Variants in LRRC66 observed in about 807,000 individuals in gnomAD.
LRRC66 encodes leucine-rich repeat-containing protein 66.
LRRC66 carries 29 observed loss-of-function variants against 24.6 expected under a neutral mutation model. The observed-to-expected ratio is 1.18, with a 90% CI of 0.88 to 1.61. The LOEUF is 1.61. LRRC66 is among the 40% of genes most tolerant of loss of function. The pLI is 0.00. For missense variants in LRRC66, 1,124 were observed against 1,058.0 expected (o/e 1.06, Z -0.87); for synonymous variants, 411 against 397.6 (o/e 1.03, Z -0.40).
At chr4:52,008,492 A>T (rs1736631930) in intron 2 of LRRC66, among the ~76,000 whole-genome samples, 1 of 152,018 alleles carries the variant, frequency 6.6e-6, no homozygotes, top group Non-Finnish European at 1.5e-5. Context: ...ATTATAAAGG[A>T]AAATATTAAT....
chr4:51,994,295 G>C lies in LRRC66; in HGVS notation c.*84C>G. On this transcript the variant is annotated 3_prime_UTR_variant, in exon 5 of 5. Transcript: ENST00000682860. Reference sequence around the variant, plus strand: ...TTCATGTTGTCTCCTTCAGGATCTTGTTGTGAAGGCTTTAGTTTTCCCCTG... The same window carrying C: ...TTCATGTTGTCTCCTTCAGGATCTTCTTGTGAAGGCTTTAGTTTTCCCCTG... 7.8e-7 allele frequency: 1 copy of C among 1,277,930 alleles called. No individual in the cohort carries two copies. The highest frequency in any genetic ancestry group is 1.5e-5 in the South Asian group (1 of 65,058). 79.2% of individuals were successfully genotyped at this position (1,277,930 alleles called of 1,614,324 possible).
At chr4:52,004,033 C>T (rs1343687406) in intron 2 of LRRC66, among the ~76,000 whole-genome samples, 2 of 152,092 alleles carry the variant, frequency 1.3e-5, no homozygotes, top group South Asian at 2.1e-4. Flanking sequence ...GACAGAGTCT[C>T]GCTCTGTCAC....
At position 52,017,408 on chromosome 4, in the gene LRRC66, A is replaced by C. The variant is rs1318071452; in HGVS notation, c.206T>G (p.Phe69Cys). The C allele has an allele frequency of 2.2e-5, 35 of 1,614,068 alleles. No homozygotes were observed. Among genetic ancestry groups the C allele is most frequent in the Non-Finnish European group, 3.0e-5 (35 of 1,180,034 alleles). The change falls in exon 2 of 5, where the codon TTC becomes TGC. Residue 69 changes from phenylalanine (F) to cysteine (C), a missense_variant. Phe to Cys is a radical substitution (Grantham distance 205). Coordinates refer to ENST00000682860, the MANE Select transcript of LRRC66 (RefSeq NM_001024611.3). ...CTGTAAGAGAACTCTAAAGAAATTGAAACTTACATCCACAGTGGCTGCTGT... is the reference window on the plus strand; with the variant it reads ...CTGTAAGAGAACTCTAAAGAAATTGCAACTTACATCCACAGTGGCTGCTGT... ...SQTAATVDVS[F>C]NFFRVLLQSH...
intron 3 of LRRC66, among the ~76,000 whole-genome samples, chr4:52,001,426 CAG>C (rs895353010): frequency 6.6e-6 from 1 of 152,098 alleles, no homozygotes; most frequent in Non-Finnish European, 1.5e-5. Flanking sequence ...GAGAGGCAGA[CAG>C]GGGTCAGGTC....
rs772911384 is a variant in LRRC66, at chr4:51,994,790, C to T, written c.2232G>A (p.Lys744=). The T allele has an allele frequency of 4.3e-6, 7 of 1,614,082 alleles. No individual in the cohort carries two copies. Among genetic ancestry groups the T allele is most frequent in the African/African-American group, 1.3e-5 (1 of 74,928 alleles). ...SLQDESSGAS[K]DNVTAVDSLE... ...GACTGTCTACAGCCGTCACATTGTCCTTGCTTGCCCCTGAGCTCTCGTCCT... is the reference window on the plus strand; with the variant it reads ...GACTGTCTACAGCCGTCACATTGTCTTTGCTTGCCCCTGAGCTCTCGTCCT... Residue 744 remains lysine, a synonymous_variant, in exon 5 of 5, where the codon AAG becomes AAA. Transcript: ENST00000682860.
intron 3 of LRRC66, among the ~76,000 whole-genome samples, chr4:52,000,044 A>G (rs1281671131): frequency 6.6e-6 from 1 of 152,218 alleles, no homozygotes; most frequent in Non-Finnish European, 1.5e-5. Context: ...TGCCCAGAAG[A>G]AAACAACATC....
intron 2 of LRRC66, among the ~76,000 whole-genome samples, chr4:52,004,717 G>A (rs1736535223): frequency 6.6e-6 from 1 of 152,178 alleles, no homozygotes; most frequent in African/African-American, 2.4e-5. Context: ...TGTCTGCAAG[G>A]TACTTATTGT....
In LRRC66 at chr4:51,994,374, G is replaced by T. The variant is rs750507814; in HGVS notation, c.*5C>A. 23 of 1,597,028 alleles carry T rather than the reference G, an allele frequency of 1.4e-5. No homozygotes were observed. The highest frequency in any genetic ancestry group is 8.5e-7 in the Non-Finnish European group (1 of 1,171,734). On this transcript the variant is annotated 3_prime_UTR_variant, in exon 5 of 5. Coordinates refer to ENST00000682860, the MANE Select transcript of LRRC66 (RefSeq NM_001024611.3). ...AGCTGTGAATATTTCCTTAATGAAA[G>T]ATTCTTATTTTAAAATGTCTGAGTC...
rs1037489866 is a variant in LRRC66 at position 51,993,788 on chromosome 4, G to A, written c.*591C>T. 3.3e-5 allele frequency: 5 copies of A among 152,218 alleles called. No homozygotes were observed. Among genetic ancestry groups the A allele is most frequent in the African/African-American group, 9.6e-5 (4 of 41,460 alleles). 9.4% of individuals were successfully genotyped at this position (152,218 alleles called of 1,614,324 possible). A position where few individuals can be genotyped will look rare whatever the true frequency, so the allele number is the denominator to read the frequency against. Reference sequence around the variant, plus strand: ...GATCAGCCTCCAAAAAGTTGTGCTAGTGTGTGTTCAGAATTCATTAAAATC... The same window carrying A: ...GATCAGCCTCCAAAAAGTTGTGCTAATGTGTGTTCAGAATTCATTAAAATC... On this transcript the variant is annotated 3_prime_UTR_variant, in exon 5 of 5. Transcript: ENST00000682860.
At position 51,995,131 on chromosome 4, in the gene LRRC66, C is replaced by G; in HGVS notation, c.1891G>C (p.Asp631His). Residue 631 changes from aspartate to histidine, a missense_variant, in exon 5 of 5, where the codon GAT (aspartate) becomes CAT (histidine). Asp to His is a moderately conservative substitution (Grantham distance 81, BLOSUM62 -1). Transcript: ENST00000682860. ...SKERQVSSSI[D>H]LLSIQQPRLS... ...CTTGGCTGCTGTATGCTCAGCAAAT[C>G]AATGGATGAACTCACTTGCCTTTCC... 6.2e-7 allele frequency: 1 copy of G among 1,614,222 alleles called. No individual in the cohort carries two copies. Among genetic ancestry groups the G allele is most frequent in the Non-Finnish European group, 8.5e-7 (1 of 1,180,042 alleles).
chr4:52,020,312 C>G lies in LRRC66; in HGVS notation c.-14G>C, dbSNP rs1217935735. Among the ~76,000 whole-genome samples the G allele has an allele frequency of 6.6e-6, 1 of 152,192 alleles. No individual in the cohort carries two copies. Among genetic ancestry groups the G allele is most frequent in the Non-Finnish European group, 1.5e-5 (1 of 68,034 alleles). The stretch of plus-strand genomic sequence containing the variant: ...ATGCCTCTAAGACATACCTTCGTAT[C>G]CTAAGTGGTTATCAAATGGGTGGAT... On this transcript the variant is annotated 5_prime_UTR_variant, in exon 1 of 5. Coordinates refer to ENST00000682860, the MANE Select transcript of LRRC66 (RefSeq NM_001024611.3).
intron 2 of LRRC66, among the ~76,000 whole-genome samples, chr4:52,007,945 T>C (rs1475721226): frequency 6.6e-6 from 1 of 152,124 alleles, no homozygotes; most frequent in African/African-American, 2.4e-5. Flanking sequence ...CAACTAACTA[T>C]GTTAGAGTAG....
chr4:52,005,171 A>T (rs2110197613), intron 2 of LRRC66, among the ~76,000 whole-genome samples: 1 of 152,318 alleles, frequency 6.6e-6, no homozygotes, highest in South Asian at 2.1e-4. Context: ...CATTGTACTG[A>T]CATTAAAAAT....
At chr4:52,017,715 GTTATC>G (rs770724588) in intron 1 of LRRC66, 97 bp from the exon 2 acceptor site, 42 of 1,387,262 alleles carry the variant, frequency 3.0e-5, no homozygotes, top group Admixed American at 1.3e-4. Context: ...ATTTCGGAAA[GTTATC>G]TTGTCTTGGT....
chr4:52,001,203 C>T (rs750119329), intron 3 of LRRC66, among the ~76,000 whole-genome samples: 5 of 152,176 alleles, frequency 3.3e-5, no homozygotes, highest in South Asian at 4.1e-4. Flanking sequence ...TGAGAGGAAA[C>T]GGAAATGTAT....
intron 4 of LRRC66, 50 bp downstream of exon 4, chr4:51,997,698 G>A (rs1402533416): frequency 1.3e-6 from 2 of 1,499,212 alleles, no homozygotes; most frequent in African/African-American, 1.4e-5. Flanking sequence ...ATGTCTATGT[G>A]CATTTTTCAT....
intron 2 of LRRC66, among the ~76,000 whole-genome samples, chr4:52,016,185 T>G (rs948664702): frequency 6.6e-6 from 1 of 152,210 alleles, no homozygotes; most frequent in African/African-American, 2.4e-5. Context: ...TTCCTATACC[T>G]GCTAGGCTAT....
intron 2 of LRRC66, among the ~76,000 whole-genome samples, chr4:52,006,416 T>C (rs987354596): frequency 6.6e-6 from 1 of 151,754 alleles, no homozygotes; most frequent in East Asian, 1.9e-4. Flanking sequence ...ATGGATGAAA[T>C]TGGAAATCAT....
At chr4:52,004,461 C>T (rs1272808009) in intron 2 of LRRC66, among the ~76,000 whole-genome samples, 1 of 152,142 alleles carries the variant, frequency 6.6e-6, no homozygotes, top group Admixed American at 6.5e-5. Context: ...TTGGTCTCTG[C>T]CTTTGTATTT....
Sources: allele counts gnomAD v4.1 joint callset (sites outside exome capture counted in the v4.1 genomes callset), GRCh38; gene constraint gnomAD v4.1.1; transcripts MANE v1.5; gene names NCBI Gene and HGNC (gene_info 2026-07-23, HGNC 2026-07-21).